AGR3: variants seen among roughly 807,000 people sequenced by gnomAD.
AGR3 encodes anterior gradient 3, protein disulphide isomerase family member, also known as anterior gradient protein 3.
Under a neutral mutation model 24.5 loss-of-function variants are expected in AGR3, and 37 were observed. That is an observed-to-expected ratio of 1.51 (90% CI 1.16 to 1.99). AGR3 has a LOEUF of 1.99. AGR3 is among the 30% of genes most tolerant of loss of function. The probability of loss-of-function intolerance (pLI) is 0.00; values close to 1 mark genes in which losing one functional copy is unlikely to be tolerated. For synonymous variants in AGR3, 75 were observed against 61.6 expected (o/e 1.22, Z -1.02); for missense variants, 228 against 191.1 (o/e 1.19, Z -1.14).
downstream of AGR3, among the ~76,000 whole-genome samples, chr7:16,859,067 T>C (rs1008717355): frequency 1.3e-5 from 2 of 151,958 alleles, no homozygotes; most frequent in Non-Finnish European, 2.9e-5. Context: ...GGTTAGCAGG[T>C]ATGGTACAGG....
intron 2 of AGR3, among the ~76,000 whole-genome samples, chr7:16,874,563 T>G (rs1343566002): frequency 6.6e-6 from 1 of 152,162 alleles, no homozygotes; most frequent in Non-Finnish European, 1.5e-5. Flanking sequence ...CTGAGTATTT[T>G]CAGGAAGTGT....
chr7:16,878,835 T>C (rs1240358053), intron 1 of AGR3, among the ~76,000 whole-genome samples, 190 bp from the exon 2 acceptor site: 4 of 152,240 alleles, frequency 2.6e-5, no homozygotes, highest in Admixed American at 2.6e-4. Context: ...ACTCAGTACA[T>C]GCTCAGTTGG....
chr7:16,880,920 T>A (rs904590490), intron 1 of AGR3, among the ~76,000 whole-genome samples: 5 of 152,072 alleles, frequency 3.3e-5, no homozygotes, highest in African/African-American at 1.2e-4. Context: ...CCAGCAGGCT[T>A]CTAGAAGGCC....
chr7:16,856,199 T>C (rs2115397854), downstream of AGR3, among the ~76,000 whole-genome samples: 1 of 152,326 alleles, frequency 6.6e-6, no homozygotes, highest in East Asian at 1.9e-4. Context: ...AATATCAAAG[T>C]TAGTATCTGG....
downstream of AGR3, among the ~76,000 whole-genome samples, chr7:16,855,847 T>C (rs1781550396): frequency 6.6e-6 from 1 of 152,188 alleles, no homozygotes; most frequent in Non-Finnish European, 1.5e-5. Flanking sequence ...TCTTATTAAC[T>C]CTAATCTAAA....
intron 1 of AGR3, 43 bp from the exon 2 acceptor site, chr7:16,878,688 C>T: frequency 1.5e-6 from 2 of 1,350,468 alleles, no homozygotes; most frequent in South Asian, 2.4e-5. Context: ...TGAATTACTT[C>T]AAGCTATTAT....
chr7:16,878,131 G>A (rs1298857603), intron 2 of AGR3, among the ~76,000 whole-genome samples: 7 of 149,368 alleles, frequency 4.7e-5, no homozygotes, highest in Non-Finnish European at 7.4e-5. Context: ...TTTTTTTTTG[G>A]AGGACTGGGA....
chr7:16,867,416 G>C (rs2115305387), intron 3 of AGR3, among the ~76,000 whole-genome samples: 1 of 152,140 alleles, frequency 6.6e-6, no homozygotes, highest in Admixed American at 6.5e-5. Context: ...ATATATTTAT[G>C]GTGTACAGTA....
rs575312440 is a variant in AGR3, at chr7:16,868,310, T to C, written c.173+5470A>G. On this transcript the variant is annotated intron_variant, in intron 3 of 7. Transcript: ENST00000310398. The stretch of plus-strand genomic sequence containing the variant: ...AGCTGGGATTAAAGGCATGCACCAC[T>C]ATGCCTGGCTAATTTTGTATTTTTA... 5.9e-5 allele frequency among the ~76,000 whole-genome samples: 9 copies of C among 152,126 alleles called. No individual in the cohort carries two copies. In the East Asian group the frequency reaches 1.4e-3, roughly 23 times the overall value.
chr7:16,873,709 C>T, intron 3 of AGR3, 71 bp downstream of exon 3: 2 of 1,199,046 alleles, frequency 1.7e-6, no homozygotes, highest in Non-Finnish European at 2.4e-6. Flanking sequence ...ACTCTATATT[C>T]CATAAATATG....
At chr7:16,861,485 C>A in intron 5 of AGR3, 38 bp from the exon 6 acceptor site, 2 of 1,544,002 alleles carry the variant, frequency 1.3e-6, no homozygotes, top group South Asian at 1.2e-5. Context: ...TTATTGGATT[C>A]ATTTGTTTTT....
chr7:16,861,951 T>G, intron 5 of AGR3, 33 bp downstream of exon 5: 1 of 1,486,792 alleles, frequency 6.7e-7, no homozygotes, highest in African/African-American at 1.4e-5. Context: ...CATGAAATTA[T>G]AGTATTAAGA....
At chr7:16,873,613 C>T in intron 3 of AGR3, 167 bp downstream of exon 3, 1 of 593,766 alleles carries the variant, frequency 1.7e-6, no homozygotes, top group Non-Finnish European at 2.9e-6. Context: ...GTGTTCCCAC[C>T]AGAAAGAAAT....
chr7:16,878,390 C>T (rs1376867463), intron 2 of AGR3, 120 bp downstream of exon 2: 1 of 840,122 alleles, frequency 1.2e-6, no homozygotes, highest in Non-Finnish European at 1.8e-6. Flanking sequence ...AAGTCACACA[C>T]AACAAAAATC....
intron 3 of AGR3, among the ~76,000 whole-genome samples, chr7:16,867,179 T>A (rs1781774534): frequency 6.6e-6 from 1 of 152,174 alleles, no homozygotes; most frequent in Admixed American, 6.5e-5. Flanking sequence ...CATAATTATA[T>A]CTTTCTAATT....
downstream of AGR3, among the ~76,000 whole-genome samples, chr7:16,856,170 A>G (rs563952767): frequency 2.0e-5 from 3 of 152,342 alleles, no homozygotes; most frequent in African/African-American, 2.4e-5. Context: ...TCTTTTATCC[A>G]GTCTATCTTT....
At chr7:16,858,732 G>A (rs186975690), downstream of AGR3, among the ~76,000 whole-genome samples, 3 of 151,844 alleles carry the variant, frequency 2.0e-5, no homozygotes, top group Non-Finnish European at 2.9e-5. Flanking sequence ...TTAGCCAGGT[G>A]TGGTGGTACA....
chr7:16,868,439 G>A (rs191914364), intron 3 of AGR3, among the ~76,000 whole-genome samples: 1 of 152,180 alleles, frequency 6.6e-6, no homozygotes, highest in Non-Finnish European at 1.5e-5. Flanking sequence ...ACAGGTATGA[G>A]CCACGGCGCC....
intron 3 of AGR3, among the ~76,000 whole-genome samples, chr7:16,866,617 C>T (rs1376374171): frequency 6.6e-6 from 1 of 151,782 alleles, no homozygotes; most frequent in East Asian, 1.9e-4. Flanking sequence ...CTCACTAAAG[C>T]TGGTTATTAG....
Sources: gnomAD v4.1 joint callset for allele counts (sites outside exome capture counted in the v4.1 genomes callset) on GRCh38, gnomAD v4.1.1 for gene constraint, MANE v1.5 for transcripts, NCBI Gene and HGNC (gene_info 2026-07-23, HGNC 2026-07-21) for gene names.